The following SYNJ2 variants were observed in gnomAD, a reference collection of about 807,000 sequenced individuals.
SYNJ2 encodes the protein polyphosphatidylinositol phosphatase SYNJ2.
Under a neutral mutation model 141.3 loss-of-function variants are expected in SYNJ2, and 116 were observed. That is an observed-to-expected ratio of 0.82 (90% CI 0.71 to 0.96). The LOEUF (loss-of-function observed/expected upper bound fraction) is 0.96. Ranked by LOEUF, SYNJ2 falls within the 40% of genes least tolerant of loss-of-function variation. The pLI, the probability that SYNJ2 is intolerant of heterozygous loss-of-function variation, is 0.00. For missense variants in SYNJ2, 1,873 were observed against 1,934.8 expected, an observed-to-expected ratio of 0.97 and a Z score of 0.60; for synonymous variants, 745 against 777.7, an observed-to-expected ratio of 0.96 and a Z score of 0.70.
intron 1 of SYNJ2, among the ~76,000 whole-genome samples, chr6:158,014,657 C>T (rs1455015279): frequency 2.6e-5 from 4 of 152,224 alleles, no homozygotes; most frequent in African/African-American, 7.2e-5. Flanking sequence ...CGGTCTGTCC[C>T]GACTCTCTGC....
Position 158,071,620 on chromosome 6 carries a change from A to T in SYNJ2, c.1959A>T (p.Thr653=), listed in dbSNP as rs1459218850. The T allele has an allele frequency of 1.2e-6, 2 of 1,614,018 alleles. No homozygotes were observed. Among genetic ancestry groups the T allele is most frequent in the African/African-American group, 2.7e-5 (2 of 75,050 alleles). The change falls in exon 15 of 27, where the codon ACA becomes ACT. Residue 653 remains threonine, a synonymous_variant. Coordinates refer to ENST00000355585, the MANE Select transcript of SYNJ2 (RefSeq NM_003898.4). The surrounding 1 kb of genome is among the most constrained non-coding windows in gnomAD (Gnocchi z 4.3). ...VPFIRDVAID[T]VKTGMGGKAG... ...GTTCCAGGGACGTAGCCATCGACAC[A>T]GTGAAGACGGGCATGGGGGGCAAGG...
chr6:158,067,434 A>G, intron 12 of SYNJ2: 1 of 985,116 alleles, frequency 1.0e-6, no homozygotes, highest in Non-Finnish European at 1.2e-6. Flanking sequence ...TAGGAATAAA[A>G]TAATTCCAAA....
chr6:158,083,419 GC>G lies in SYNJ2; in HGVS notation c.2866-7del. The stretch of plus-strand genomic sequence containing the variant: ...TTATTTATTCCTGGGTGGCCGCTCT[GC>G]CCTCCCAGGTGAAAGGCAGAGCAGT... On this transcript the variant is annotated splice_polypyrimidine_tract_variant and intron_variant, in intron 20 of 26. Transcript: ENST00000355585. 1 of 1,612,200 alleles carries G rather than the reference GC, an allele frequency of 6.2e-7. No individual in the cohort carries two copies. The highest frequency in any genetic ancestry group is 8.5e-7 in the Non-Finnish European group (1 of 1,178,492).
At chr6:157,992,401 C>CTTTTTTTTTTTTTTTTTT (rs57905567) in intron 1 of SYNJ2, among the ~76,000 whole-genome samples, 2 of 120,356 alleles carry the variant, frequency 1.7e-5, no homozygotes, top group Non-Finnish European at 3.6e-5. Flanking sequence ...TGGCTTGTTT[C>CTTTTTTTTTTTTTTTTTT]TTTTTTTTTT....
rs1220453238 is a variant in SYNJ2, at chr6:158,095,768, G to C, written c.3895G>C (p.Glu1299Gln). ...PRTFQPGKAA[E>Q]RPSHRKPASD... ...AACATTTCAGCCTGGGAAAGCTGCA[G>C]AGAGGCCAAGCCACAGGAAGCCAGC... is the stretch of plus-strand genomic sequence containing the variant. Residue 1299 changes from glutamate (E) to glutamine (Q), a missense_variant, in exon 27 of 27, where the codon GAG becomes CAG. By Grantham distance (29) the Glu-to-Gln change is conservative (BLOSUM62 2). Coordinates refer to ENST00000355585, the MANE Select transcript of SYNJ2 (RefSeq NM_003898.4). 6.2e-7 allele frequency: 1 copy of C among 1,614,062 alleles called. No individual in the cohort carries two copies. The highest frequency in any genetic ancestry group is 1.3e-5 in the African/African-American group (1 of 74,926).
At position 158,064,821 on chromosome 6, in the gene SYNJ2, G is replaced by T; in HGVS notation, c.1360-5G>T. On this transcript the variant is annotated splice_polypyrimidine_tract_variant and splice_region_variant and intron_variant, in intron 10 of 26. Transcript: ENST00000355585. ...CTCACGGCCTGCGGTCTGGGCTCTC[G>T]GCAGGTGGGGAAGCTGAAGGATGGA... 6.2e-7 allele frequency: 1 copy of T among 1,608,540 alleles called. No homozygotes were observed. The highest frequency in any genetic ancestry group is 1.1e-5 in the South Asian group (1 of 90,846).
At chr6:158,023,258 T>C (rs556470860) in intron 2 of SYNJ2, among the ~76,000 whole-genome samples, 1 of 140,402 alleles carries the variant, frequency 7.1e-6, no homozygotes, top group Admixed American at 6.9e-5. Context: ...AACCTGTCTC[T>C]AAATTTAAAA....
chr6:158,000,064 CTTTTTTT>C (rs58284240), intron 1 of SYNJ2, among the ~76,000 whole-genome samples: 33 of 85,588 alleles, frequency 3.9e-4, no homozygotes, highest in African/African-American at 1.1e-3. Context: ...AGCCAAAAGG[CTTTTTTT>C]TTTTTTTTTT....
At chr6:158,062,612 C>A (rs1348878780) in intron 8 of SYNJ2, among the ~76,000 whole-genome samples, 2 of 152,054 alleles carry the variant, frequency 1.3e-5, no homozygotes, top group East Asian at 3.9e-4. Flanking sequence ...CTTCCCTGTT[C>A]AGAGCAGAGG....
At position 158,028,798 on chromosome 6, in the gene SYNJ2, C is replaced by T. The variant is rs1779199187; in HGVS notation, c.257C>T (p.Thr86Ile). 1.9e-6 allele frequency: 3 copies of T among 1,614,184 alleles called. No homozygotes were observed. The highest frequency in any genetic ancestry group is 1.1e-5 in the South Asian group (1 of 91,086). The part of the protein sequence containing the change: ...LSFLVLVTGC[T>I]SVGRIPDAEI... ...TTCCTGGTGTTGGTGACAGGCTGCA[C>T]ATCTGTGGGCAGAATTCCAGATGCT... Residue 86 changes from threonine (T) to isoleucine (I), a missense_variant, in exon 3 of 27, where the codon ACA becomes ATA. Coordinates refer to ENST00000355585, the MANE Select transcript of SYNJ2 (RefSeq NM_003898.4).
Position 157,982,591 on chromosome 6 carries a change from A to G in SYNJ2, c.127+503A>G, listed in dbSNP as rs752206646. 2.0e-5 allele frequency among the ~76,000 whole-genome samples: 3 copies of G among 152,234 alleles called. No homozygotes were observed. Among genetic ancestry groups the G allele is most frequent in the Non-Finnish European group, 4.4e-5 (3 of 68,044 alleles). ...CCACGTAAATACTTGGTCGAGAAGC[A>G]TCGGTGCTGCAATTTATAGAACTTG... On this transcript the variant is annotated intron_variant, in intron 1 of 26. Coordinates refer to ENST00000355585, the MANE Select transcript of SYNJ2 (RefSeq NM_003898.4). The surrounding 1 kb of genome is among the most constrained non-coding windows in gnomAD (Gnocchi z 4.0).
chr6:158,076,513 G>C (rs1782299313), intron 16 of SYNJ2, 113 bp from the exon 17 acceptor site: 1 of 1,198,918 alleles, frequency 8.3e-7, no homozygotes, highest in Non-Finnish European at 1.2e-6. Flanking sequence ...AAATGTAATG[G>C]AGCTTCTGTT....
chr6:158,012,104 G>A (rs1562322691), intron 1 of SYNJ2, among the ~76,000 whole-genome samples: 1 of 152,100 alleles, frequency 6.6e-6, no homozygotes, highest in Non-Finnish European at 1.5e-5. Context: ...GGAGGGCCCT[G>A]TAGGTGCATG....
At chr6:158,006,775 T>G (rs1444872133) in intron 1 of SYNJ2, among the ~76,000 whole-genome samples, 1 of 152,126 alleles carries the variant, frequency 6.6e-6, no homozygotes, top group Non-Finnish European at 1.5e-5. Context: ...TGGGTTCAAG[T>G]GATTCTCCTG....
chr6:158,086,954 G>C lies in SYNJ2; in HGVS notation c.3308G>C (p.Arg1103Pro), dbSNP rs765829961. 1 of 1,603,120 alleles carries C rather than the reference G, an allele frequency of 6.2e-7. No homozygotes were observed. The highest frequency in any genetic ancestry group is 8.5e-7 in the Non-Finnish European group (1 of 1,178,374). Residue 1103 changes from arginine to proline, a missense_variant, in exon 23 of 27, where the codon CGG becomes CCG. By Grantham distance (103) the Arg-to-Pro change is moderately radical. Coordinates refer to ENST00000355585, the MANE Select transcript of SYNJ2 (RefSeq NM_003898.4). ...SRSLSVPNRP[R>P]PPQPPQRPPP... ...TCTCTGTCGGTCCCCAACCGGCCTCGGCCACCTCAACCCCCGCAGAGACCC... is the reference window on the plus strand; with the variant it reads ...TCTCTGTCGGTCCCCAACCGGCCTCCGCCACCTCAACCCCCGCAGAGACCC...
At chr6:158,092,084 A>C (rs561917495) in intron 25 of SYNJ2, among the ~76,000 whole-genome samples, 1 of 148,782 alleles carries the variant, frequency 6.7e-6, no homozygotes, top group Non-Finnish European at 1.5e-5. Context: ...ATTTCACGGT[A>C]TGTGAATTAT....
chr6:158,089,140 G>A (rs765509800), intron 24 of SYNJ2, among the ~76,000 whole-genome samples: 12 of 152,180 alleles, frequency 7.9e-5, no homozygotes, highest in Non-Finnish European at 1.8e-4. Context: ...ATTCTGGAGT[G>A]AAGTTGGTTG....
intron 1 of SYNJ2, among the ~76,000 whole-genome samples, chr6:157,985,897 G>T (rs1189177438): frequency 3.9e-5 from 6 of 152,152 alleles, no homozygotes; most frequent in Admixed American, 3.3e-4. Context: ...TTGAGCTTCT[G>T]GGGGGAAAGG....
intron 5 of SYNJ2, among the ~76,000 whole-genome samples, chr6:158,044,947 A>G (rs890037842): frequency 1.3e-5 from 2 of 152,134 alleles, no homozygotes; most frequent in Non-Finnish European, 2.9e-5. Context: ...AGTGTGGCAC[A>G]AAAAGGAGAC....
Sources: allele counts gnomAD v4.1 joint callset (sites outside exome capture counted in the v4.1 genomes callset), GRCh38; gene constraint gnomAD v4.1.1; non-coding constraint Gnocchi (gnomAD v3.1); transcripts MANE v1.5; gene names NCBI Gene and HGNC (gene_info 2026-07-23, HGNC 2026-07-21).